The following DNAH9 variants were observed in gnomAD, a reference collection of about 807,000 sequenced individuals.
The protein encoded by DNAH9 is dynein axonemal heavy chain 9.
Under a neutral mutation model 471.6 loss-of-function variants are expected in DNAH9, and 345 were observed. That is an observed-to-expected ratio of 0.73 (90% CI 0.67 to 0.80). The LOEUF (loss-of-function observed/expected upper bound fraction) is 0.80, where lower values mean the gene tolerates loss of function less well. Among genes scored for constraint, DNAH9 ranks in the 30% least tolerant of loss-of-function variants. The probability of loss-of-function intolerance (pLI) is 0.00; values close to 1 mark genes in which losing one functional copy is unlikely to be tolerated. For synonymous variants in DNAH9, 2,093 were observed against 2,123.6 expected (o/e 0.99, Z 0.40); for missense variants, 5,407 against 5,609.2 (o/e 0.96, Z 1.15).
chr17:11,693,892 G>C lies in DNAH9; in HGVS notation c.4639G>C (p.Asp1547His). 1 of 1,614,064 alleles carries C rather than the reference G, an allele frequency of 6.2e-7. No homozygotes were observed. The highest frequency in any genetic ancestry group is 1.1e-5 in the South Asian group (1 of 91,054). ...GGATTCTAAAAGGTTTGAAGGCATC[G>C]ACATTGACTTTAAAGAGCTAGCTTA... ...PQDSKRFEGI[D>H]IDFKELAYDA... Residue 1547 changes from aspartate (D) to histidine (H), a missense_variant, in exon 21 of 69, where the codon GAC becomes CAC. Around this residue, in one of 3 missense-constraint regions of DNAH9, gnomAD observed 4,636 missense variants for 4,900.3 expected, o/e 0.95. Coordinates refer to ENST00000262442, the MANE Select transcript of DNAH9 (RefSeq NM_001372.4).
At chr17:11,925,979 T>A (rs906926289) in intron 62 of DNAH9, among the ~76,000 whole-genome samples, 9 of 126,936 alleles carry the variant, frequency 7.1e-5, no homozygotes, top group Non-Finnish European at 1.4e-4. Flanking sequence ...TGAACTAGAC[T>A]GGACCAGAAT....
intron 43 of DNAH9, among the ~76,000 whole-genome samples, chr17:11,803,712 G>A (rs1969554719): frequency 2.6e-5 from 4 of 152,180 alleles, no homozygotes; most frequent in Admixed American, 2.0e-4. Context: ...ATTTCCCATT[G>A]AGATATTGAA....
chr17:11,821,817 A>G, intron 45 of DNAH9, 103 bp from the exon 46 acceptor site: 1 of 1,373,106 alleles, frequency 7.3e-7, no homozygotes, highest in Non-Finnish European at 9.9e-7. Context: ...TACATGGCCT[A>G]AAAACCACTG....
intron 41 of DNAH9, among the ~76,000 whole-genome samples, chr17:11,789,181 C>T (rs1268597598): frequency 6.6e-6 from 1 of 151,894 alleles, no homozygotes; most frequent in Admixed American, 6.6e-5. Flanking sequence ...GTCTTGTAAT[C>T]TTTCTCTAAT....
chr17:11,934,742 G>T (rs1033522025), intron 65 of DNAH9, among the ~76,000 whole-genome samples: 1 of 151,612 alleles, frequency 6.6e-6, no homozygotes, highest in African/African-American at 2.4e-5. Flanking sequence ...GTGAGCCGCC[G>T]CGCCTGGCCT....
At chr17:11,629,608 G>C in intron 7 of DNAH9, 24 bp downstream of exon 7, 1 of 1,604,304 alleles carries the variant, frequency 6.2e-7, no homozygotes, top group Non-Finnish European at 8.5e-7. Context: ...GGGCTGAATC[G>C]CCAGCTCTGC....
At chr17:11,763,817 G>C (rs1967822733) in intron 36 of DNAH9, among the ~76,000 whole-genome samples, 1 of 152,170 alleles carries the variant, frequency 6.6e-6, no homozygotes, top group Non-Finnish European at 1.5e-5. Context: ...ATGAGGTCGT[G>C]GTGTGTTCGG....
chr17:11,927,064 G>A (rs1974354510), intron 62 of DNAH9, among the ~76,000 whole-genome samples: 1 of 152,160 alleles, frequency 6.6e-6, no homozygotes, highest in South Asian at 2.1e-4. Flanking sequence ...CTTCTTTTGA[G>A]AAGTGTCAGT....
At chr17:11,933,824 C>G (rs1300034986) in intron 64 of DNAH9, 56 bp from the exon 65 acceptor site, 57 of 1,537,560 alleles carry the variant, frequency 3.7e-5, no homozygotes, top group Non-Finnish European at 4.5e-5. Context: ...AGGCCAGCCC[C>G]GACGCCTGTG....
chr17:11,967,937 T>C (rs1976875519), intron 68 of DNAH9, among the ~76,000 whole-genome samples: 1 of 152,148 alleles, frequency 6.6e-6, no homozygotes, highest in East Asian at 1.9e-4. Context: ...CAATTGTAAA[T>C]ATGTATGCAC....
chr17:11,808,663 C>T (rs189544149), intron 44 of DNAH9, among the ~76,000 whole-genome samples: 1 of 152,216 alleles, frequency 6.6e-6, no homozygotes, highest in African/African-American at 2.4e-5. Context: ...TTTAGTGCTT[C>T]CAAAAAAGAC....
intron 49 of DNAH9, among the ~76,000 whole-genome samples, chr17:11,848,423 T>G (rs747975691): frequency 6.6e-6 from 1 of 151,950 alleles, no homozygotes; most frequent in Non-Finnish European, 1.5e-5. Flanking sequence ...TTAAATAATA[T>G]TTCCCAGTGT....
intron 19 of DNAH9, among the ~76,000 whole-genome samples, chr17:11,684,043 A>C (rs1372516617): frequency 6.6e-6 from 1 of 152,178 alleles, no homozygotes; most frequent in Admixed American, 6.6e-5. Flanking sequence ...CTGTTAAGTT[A>C]TTTATGAATT....
chr17:11,646,506 C>T (rs2073393870), intron 11 of DNAH9, among the ~76,000 whole-genome samples: 1 of 152,172 alleles, frequency 6.6e-6, no homozygotes, highest in South Asian at 2.1e-4. Flanking sequence ...AGCGAATCTT[C>T]CCCAGTAACT....
intron 42 of DNAH9, among the ~76,000 whole-genome samples, chr17:11,794,476 T>C (rs1969175953): frequency 6.6e-6 from 1 of 152,146 alleles, no homozygotes; most frequent in African/African-American, 2.4e-5. Context: ...TGACAAACTC[T>C]CAAATATTTT....
At chr17:11,706,105 T>G (rs1303764462) in intron 26 of DNAH9, among the ~76,000 whole-genome samples, 1 of 152,158 alleles carries the variant, frequency 6.6e-6, no homozygotes, top group Admixed American at 6.5e-5. Context: ...TATGGTTCAT[T>G]AAAACAAGCA....
At position 11,704,189 on chromosome 17, in the gene DNAH9, T is replaced by G; in HGVS notation, c.5152-14T>G. On this transcript the variant is annotated splice_polypyrimidine_tract_variant and intron_variant, in intron 24 of 68. Coordinates refer to ENST00000262442, the MANE Select transcript of DNAH9 (RefSeq NM_001372.4). The stretch of plus-strand genomic sequence containing the variant: ...CATGATAACAGCTTTACTAGGCAAC[T>G]CTTGCTGCCACAGGTGGCCCTGACC... 1 of 1,614,006 alleles carries G rather than the reference T, an allele frequency of 6.2e-7. No individual in the cohort carries two copies. The highest frequency in any genetic ancestry group is 8.5e-7 in the Non-Finnish European group (1 of 1,179,938).
rs932407419 is a variant in DNAH9, at chr17:11,768,701, C to T, written c.7344+75C>T. The T allele has an allele frequency of 2.9e-5, 44 of 1,531,976 alleles. No individual in the cohort carries two copies. The African/African-American group carries it at 3.8e-4, about 13-fold the overall frequency. 94.9% of individuals were successfully genotyped at this position (1,531,976 alleles called of 1,614,324 possible). On this transcript the variant is annotated intron_variant, in intron 37 of 68. Coordinates refer to ENST00000262442, the MANE Select transcript of DNAH9 (RefSeq NM_001372.4). ...TCTGCAGTGGCTCCAGTAGCAGCCC[C>T]GCATGGCTATCTGAGCATTTGTCCT...
chr17:11,871,588 G>T lies in DNAH9; in HGVS notation c.10054-10G>T. ...ACGCCTCCTCTCCTCTCTGGCTTTT[G>T]AAATGGTAGGTTGGAGGACTCGCTT... On this transcript the variant is annotated splice_polypyrimidine_tract_variant and intron_variant, in intron 51 of 68. Coordinates refer to ENST00000262442, the MANE Select transcript of DNAH9 (RefSeq NM_001372.4). The T allele has an allele frequency of 3.1e-6, 5 of 1,612,178 alleles. No homozygotes were observed. The highest frequency in any genetic ancestry group is 4.2e-6 in the Non-Finnish European group (5 of 1,178,398).
Sources: allele counts gnomAD v4.1 joint callset (sites outside exome capture counted in the v4.1 genomes callset), GRCh38; gene constraint gnomAD v4.1.1; regional missense constraint gnomAD v4.1.1; transcripts MANE v1.5; gene names NCBI Gene and HGNC (gene_info 2026-07-23, HGNC 2026-07-21).